ANGPT1: variants seen among roughly 807,000 people sequenced by gnomAD.
ANGPT1 encodes angiopoietin-1.
Under a neutral mutation model 62.2 loss-of-function variants are expected in ANGPT1, and 17 were observed. The ratio of observed to expected loss-of-function variants is 0.27; its 90% CI spans 0.19 to 0.41. The LOEUF is 0.41. Ranked by LOEUF, ANGPT1 falls within the 10% of genes least tolerant of loss-of-function variation. The probability of loss-of-function intolerance (pLI) is 1.00; values close to 1 mark genes in which losing one functional copy is unlikely to be tolerated. For synonymous variants in ANGPT1, 199 were observed against 198.9 expected, an observed-to-expected ratio of 1.00 and a Z score of 0.00; for missense variants, 478 against 594.9, an observed-to-expected ratio of 0.80 and a Z score of 2.04.
intron 1 of ANGPT1, among the ~76,000 whole-genome samples, chr8:107,420,040 A>G (rs954301198): frequency 1.3e-5 from 2 of 152,200 alleles, no homozygotes; most frequent in South Asian, 2.1e-4. Flanking sequence ...CAGGATTTCA[A>G]CTAGGGTTTC....
chr8:107,470,506 C>G (rs1812324092), intron 1 of ANGPT1, among the ~76,000 whole-genome samples: 1 of 151,882 alleles, frequency 6.6e-6, no homozygotes, highest in Non-Finnish European at 1.5e-5. Flanking sequence ...CAAGCATAAA[C>G]TTTCTTTGTA....
chr8:107,447,212 A>T (rs1811646584), intron 1 of ANGPT1, among the ~76,000 whole-genome samples: 1 of 152,108 alleles, frequency 6.6e-6, no homozygotes, highest in African/African-American at 2.4e-5. Flanking sequence ...TTATATTTTC[A>T]GTACAGAAAT....
intron 4 of ANGPT1, among the ~76,000 whole-genome samples, chr8:107,320,151 C>A (rs928032302): frequency 3.9e-5 from 6 of 152,114 alleles, no homozygotes; most frequent in Non-Finnish European, 5.9e-5. Context: ...TCTATCATGG[C>A]TATCCTCATT....
intron 1 of ANGPT1, among the ~76,000 whole-genome samples, chr8:107,484,394 A>T (rs1812764444): frequency 2.0e-5 from 3 of 152,064 alleles, no homozygotes; most frequent in Admixed American, 2.0e-4. Context: ...TATTTTAAAA[A>T]ATCATTATTT....
intron 1 of ANGPT1, among the ~76,000 whole-genome samples, chr8:107,454,555 A>C (rs1283715): frequency 0.084 from 12,719 of 152,078 alleles, 572 homozygotes; most frequent in South Asian, 0.14. Context: ...CATGTCTAGA[A>C]GTACACACTA....
Position 107,449,196 on chromosome 8 carries a change from T to C in ANGPT1, c.297+48066A>G, listed in dbSNP as rs181660979. ...AAACAGTTGTTAAAAACCTGCATTGTTCTTGATGCTGTAATAGATAGTCAG... is the reference window on the plus strand; with the variant it reads ...AAACAGTTGTTAAAAACCTGCATTGCTCTTGATGCTGTAATAGATAGTCAG... On this transcript the variant is annotated intron_variant, in intron 1 of 8. Transcript: ENST00000517746. 1.5e-3 allele frequency among the ~76,000 whole-genome samples: 227 copies of C among 152,220 alleles called. 1 individual carries two copies. Among genetic ancestry groups the C allele is most frequent in the African/African-American group, 5.3e-3 (221 of 41,562 alleles).
intron 1 of ANGPT1, among the ~76,000 whole-genome samples, chr8:107,370,939 G>A (rs1328221554): frequency 6.7e-6 from 1 of 148,462 alleles, no homozygotes; most frequent in Non-Finnish European, 1.5e-5. Context: ...AGACTTGCTC[G>A]ACACAGGGTT....
intron 4 of ANGPT1, among the ~76,000 whole-genome samples, chr8:107,304,817 T>A (rs1168091206): frequency 6.6e-6 from 1 of 151,926 alleles, no homozygotes; most frequent in African/African-American, 2.4e-5. Context: ...TCTGCACTAA[T>A]GGTTTTAATG....
At chr8:107,449,502 C>T (rs1307261110) in intron 1 of ANGPT1, among the ~76,000 whole-genome samples, 1 of 151,708 alleles carries the variant, frequency 6.6e-6, no homozygotes, top group Admixed American at 6.6e-5. Context: ...ACTTGAGATT[C>T]AGGGGCTCAA....
At chr8:107,487,590 A>G (rs190486362) in intron 1 of ANGPT1, among the ~76,000 whole-genome samples, 337 of 152,310 alleles carry the variant, frequency 2.2e-3, no homozygotes, top group Non-Finnish European at 3.8e-3. Flanking sequence ...AGAGAGCTAA[A>G]GAAATTGATG....
intron 1 of ANGPT1, among the ~76,000 whole-genome samples, chr8:107,452,370 G>A (rs1811799743): frequency 6.6e-6 from 1 of 151,640 alleles, no homozygotes. Context: ...TCATATTATT[G>A]CACCATGCAC....
At chr8:107,455,907 A>G (rs1453009611) in intron 1 of ANGPT1, among the ~76,000 whole-genome samples, 1 of 152,044 alleles carries the variant, frequency 6.6e-6, no homozygotes, top group Non-Finnish European at 1.5e-5. Context: ...GACCCAAAAT[A>G]CACAACTTGG....
rs113425435 is a variant in ANGPT1 at position 107,382,977 on chromosome 8, C to G, written c.298-35880G>C. 8.8e-3 allele frequency among the ~76,000 whole-genome samples: 1,334 copies of G among 152,242 alleles called. 14 individuals are homozygous for G. The highest frequency in any genetic ancestry group is 0.024 in the Middle Eastern group (7 of 294). The stretch of plus-strand genomic sequence containing the variant: ...ATGTAACCAAGCTAATACATTGAAG[C>G]AGGCACTGGTATTTGCTGAAATGCT... On this transcript the variant is annotated intron_variant, in intron 1 of 8. Transcript: ENST00000517746.
intron 6 of ANGPT1, among the ~76,000 whole-genome samples, chr8:107,293,234 TG>T (rs1330956546): frequency 6.6e-6 from 1 of 150,998 alleles, no homozygotes; most frequent in African/African-American, 2.5e-5. Flanking sequence ...ATGATGATGA[TG>T]ATGCCTGCTG....
At chr8:107,406,403 T>TA (rs1219741777) in intron 1 of ANGPT1, among the ~76,000 whole-genome samples, 1 of 151,936 alleles carries the variant, frequency 6.6e-6, no homozygotes, top group African/African-American at 2.4e-5. Flanking sequence ...ATAAGTATTT[T>TA]AAAAAAATTG....
chr8:107,279,504 A>G (rs1813946694), intron 7 of ANGPT1, among the ~76,000 whole-genome samples: 1 of 152,160 alleles, frequency 6.6e-6, no homozygotes, highest in Admixed American at 6.6e-5. Context: ...TATGGTGGGT[A>G]GTTATAAGAC....
intron 8 of ANGPT1, among the ~76,000 whole-genome samples, chr8:107,257,200 G>A (rs949393655): frequency 8.5e-5 from 13 of 152,104 alleles, no homozygotes; most frequent in African/African-American, 3.1e-4. Flanking sequence ...ATGTACTTTC[G>A]AAGCATTTTT....
intron 1 of ANGPT1, among the ~76,000 whole-genome samples, chr8:107,357,008 C>T (rs1292479856): frequency 6.6e-6 from 1 of 152,178 alleles, no homozygotes; most frequent in Admixed American, 6.5e-5. Context: ...CACAATTATG[C>T]TCTTGTACAC....
At position 107,347,053 on chromosome 8, in the gene ANGPT1, C is replaced by A; in HGVS notation, c.342G>T (p.Gln114His). Residue 114 changes from glutamine (Q) to histidine (H), a missense_variant, in exon 2 of 9, where the codon CAG becomes CAT. By Grantham distance (24) the Gln-to-His change is conservative. Coordinates refer to ENST00000517746, the MANE Select transcript of ANGPT1 (RefSeq NM_001146.5). The part of the protein sequence containing the change: ...IVENMKSEMA[Q>H]IQQNAVQNHT... ...GGTTCTGAACTGCATTCTGCTGTATCTGGGCCATCTCCGACTTCATGTTTT... is the reference window on the plus strand; with the variant it reads ...GGTTCTGAACTGCATTCTGCTGTATATGGGCCATCTCCGACTTCATGTTTT... 6.2e-7 allele frequency: 1 copy of A among 1,613,888 alleles called. No individual in the cohort carries two copies. Among genetic ancestry groups the A allele is most frequent in the Non-Finnish European group, 8.5e-7 (1 of 1,179,842 alleles).
Sources: gnomAD v4.1 joint callset for allele counts (sites outside exome capture counted in the v4.1 genomes callset) on GRCh38, gnomAD v4.1.1 for gene constraint, MANE v1.5 for transcripts, NCBI Gene and HGNC (gene_info 2026-07-23, HGNC 2026-07-21) for gene names.